CBFA2T2: variants seen among roughly 807,000 people sequenced by gnomAD.
CBFA2T2 encodes CBFA2/RUNX1 partner transcriptional co-repressor 2.
Under a neutral mutation model 62.2 loss-of-function variants are expected in CBFA2T2, and 11 were observed. That is an observed-to-expected ratio of 0.18 (90% CI 0.11 to 0.29). The LOEUF (loss-of-function observed/expected upper bound fraction) is 0.29. CBFA2T2 is among the 10% of genes least tolerant of loss of function. The pLI, the probability that CBFA2T2 is intolerant of heterozygous loss-of-function variation, is 1.00. For synonymous variants in CBFA2T2, 295 were observed against 287.5 expected (o/e 1.03, Z -0.27); for missense variants, 592 against 774.1 (o/e 0.76, Z 2.79).
intron 3 of CBFA2T2, among the ~76,000 whole-genome samples, chr20:33,614,635 C>T (rs2015644255): frequency 6.6e-6 from 1 of 152,140 alleles, no homozygotes; most frequent in Non-Finnish European, 1.5e-5. Flanking sequence ...CTCTAGGTAC[C>T]TCATACAAGT....
chr20:33,522,332 T>G (rs1427438759), intron 1 of CBFA2T2, among the ~76,000 whole-genome samples: 1 of 146,924 alleles, frequency 6.8e-6, no homozygotes, highest in Non-Finnish European at 1.5e-5. Flanking sequence ...TCAAATTCAG[T>G]GATAGTTAAC....
At chr20:33,601,062 T>G (rs1452978729) in intron 1 of CBFA2T2, among the ~76,000 whole-genome samples, 1 of 150,930 alleles carries the variant, frequency 6.6e-6, no homozygotes, top group African/African-American at 2.4e-5. Flanking sequence ...TTGTATGTGG[T>G]GTAGATTAGT....
rs1414092862 is a variant in CBFA2T2 at position 33,649,910 on chromosome 20, G to C, written c.*5264G>C. 1 of 152,606 alleles carries C rather than the reference G, an allele frequency of 6.6e-6. No individual in the cohort carries two copies. The highest frequency in any genetic ancestry group is 1.5e-5 in the Non-Finnish European group (1 of 68,036). 9.5% of individuals were successfully genotyped at this position (152,606 alleles called of 1,614,324 possible). ...GTGCTTTGTCATTTTACTCTGATAG[G>C]AATTTTTGTTACCTAACTCTGTGCA... On this transcript the variant is annotated 3_prime_UTR_variant, in exon 11 of 11. Transcript: ENST00000342704.
intron 1 of CBFA2T2, among the ~76,000 whole-genome samples, chr20:33,540,741 C>A (rs190005490): frequency 8.5e-5 from 13 of 152,166 alleles, no homozygotes; most frequent in Non-Finnish European, 1.8e-4. Context: ...TAGTAAAAGC[C>A]GTAGTAATCA....
intron 1 of CBFA2T2, among the ~76,000 whole-genome samples, chr20:33,516,716 A>AC (rs2011604698): frequency 6.6e-6 from 1 of 152,210 alleles, no homozygotes; most frequent in Non-Finnish European, 1.5e-5. Context: ...AAGTTTCTGT[A>AC]TATTTTCAGG....
intron 9 of CBFA2T2, among the ~76,000 whole-genome samples, chr20:33,638,103 T>C (rs767253639): frequency 6.7e-6 from 1 of 149,856 alleles, no homozygotes. Context: ...GCCTTCCAAG[T>C]ACCTGGGATT....
intron 1 of CBFA2T2, among the ~76,000 whole-genome samples, chr20:33,551,291 A>T (rs1382384433): frequency 2.7e-5 from 4 of 149,848 alleles, no homozygotes; most frequent in Non-Finnish European, 4.4e-5. Context: ...ATCTCGGCTC[A>T]CTGCAACCTC....
At chr20:33,512,638 C>T (rs1226188842) in intron 1 of CBFA2T2, among the ~76,000 whole-genome samples, 1 of 152,124 alleles carries the variant, frequency 6.6e-6, no homozygotes, top group Non-Finnish European at 1.5e-5. Flanking sequence ...TAATATACCA[C>T]AGTCGGTCCA....
chr20:33,581,957 G>T (rs892048289), intron 1 of CBFA2T2, among the ~76,000 whole-genome samples: 34 of 152,266 alleles, frequency 2.2e-4, no homozygotes, highest in African/African-American at 6.7e-4. Flanking sequence ...ATTTTCAGTG[G>T]TGGGCATGAC....
At chr20:33,539,441 G>A (rs1170291128) in intron 1 of CBFA2T2, among the ~76,000 whole-genome samples, 1 of 152,086 alleles carries the variant, frequency 6.6e-6, no homozygotes. Context: ...CTCATGTTTC[G>A]AGGTCAATGA....
At chr20:33,603,909 A>G (rs1289573369) in intron 1 of CBFA2T2, among the ~76,000 whole-genome samples, 1 of 152,150 alleles carries the variant, frequency 6.6e-6, no homozygotes, top group East Asian at 1.9e-4. Context: ...TAATCCTGTG[A>G]CCCCAGGCAG....
Position 33,629,733 on chromosome 20 carries a change from T to C in CBFA2T2, c.1047T>C (p.Ile349=). 3.1e-6 allele frequency: 5 copies of C among 1,613,490 alleles called. No homozygotes were observed. The highest frequency in any genetic ancestry group is 4.2e-6 in the Non-Finnish European group (5 of 1,179,782). The stretch of plus-strand genomic sequence containing the variant: ...CTGTGACTCAGGCGCTGAATTGCAT[T>C]ATGGAAATGGTAGAGAAAACAAGGC... ...WKHLDHALNC[I]MEMVEKTRRS... Residue 349 remains isoleucine, a synonymous_variant, in exon 8 of 11, where the codon ATT becomes ATC. Transcript: ENST00000342704.
At chr20:33,510,736 G>A (rs1215396214) in intron 1 of CBFA2T2, among the ~76,000 whole-genome samples, 6 of 152,190 alleles carry the variant, frequency 3.9e-5, no homozygotes, top group Non-Finnish European at 8.8e-5. Context: ...GGTTGAACTA[G>A]TTTACACTCC....
At chr20:33,640,786 G>C (rs1284302577) in intron 10 of CBFA2T2, among the ~76,000 whole-genome samples, 1 of 152,082 alleles carries the variant, frequency 6.6e-6, no homozygotes, top group Non-Finnish European at 1.5e-5. Flanking sequence ...CAGTGTATTG[G>C]TGTAAATTTT....
chr20:33,580,624 G>A (rs1042815818), intron 1 of CBFA2T2, among the ~76,000 whole-genome samples: 2 of 152,178 alleles, frequency 1.3e-5, no homozygotes, highest in Non-Finnish European at 2.9e-5. Flanking sequence ...GCCCAGGTGG[G>A]CAGATCACTT....
intron 9 of CBFA2T2, 150 bp from the exon 10 acceptor site, chr20:33,640,191 A>C (rs766033395): frequency 1.3e-6 from 1 of 748,838 alleles, no homozygotes. Context: ...ACCTGCATGG[A>C]TGGACACATG....
intron 1 of CBFA2T2, among the ~76,000 whole-genome samples, chr20:33,528,869 G>T (rs906224756): frequency 2.0e-5 from 3 of 152,120 alleles, no homozygotes; most frequent in Admixed American, 6.5e-5. Flanking sequence ...GAGAATGAAG[G>T]CTAATTTGCC....
At chr20:33,508,076 C>T (rs752241964) in intron 1 of CBFA2T2, among the ~76,000 whole-genome samples, 10 of 151,976 alleles carry the variant, frequency 6.6e-5, no homozygotes, top group East Asian at 1.9e-4. Flanking sequence ...AGGAAGCAGA[C>T]GGGTCAGGTC....
intron 1 of CBFA2T2, among the ~76,000 whole-genome samples, chr20:33,549,779 G>A (rs2012682936): frequency 6.6e-6 from 1 of 151,882 alleles, no homozygotes; most frequent in Non-Finnish European, 1.5e-5. Flanking sequence ...AGGGACAACA[G>A]GTTTTTTCCC....
Sources: allele counts gnomAD v4.1 joint callset (sites outside exome capture counted in the v4.1 genomes callset), GRCh38; gene constraint gnomAD v4.1.1; transcripts MANE v1.5; gene names NCBI Gene and HGNC (gene_info 2026-07-23, HGNC 2026-07-21).